TACC2: variants seen among roughly 807,000 people sequenced by gnomAD.
TACC2 encodes transforming acidic coiled-coil containing protein 2.
In TACC2, 137 loss-of-function variants were observed where a neutral mutation model predicts 227.3. The ratio of observed to expected loss-of-function variants is 0.60; its 90% CI spans 0.52 to 0.69. TACC2 has a LOEUF of 0.69. Among genes scored for constraint, TACC2 ranks in the 30% least tolerant of loss-of-function variants. TACC2 has a pLI of 0.00. For missense variants in TACC2, 3,470 were observed against 3,694.4 expected, an observed-to-expected ratio of 0.94 and a Z score of 1.57; for synonymous variants, 1,523 against 1,487.5, an observed-to-expected ratio of 1.02 and a Z score of -0.55.
intron 1 of TACC2, among the ~76,000 whole-genome samples, chr10:122,018,680 G>A (rs994156410): frequency 1.3e-5 from 2 of 152,174 alleles, no homozygotes; most frequent in African/African-American, 4.8e-5. Context: ...TTCGGGTGAG[G>A]CTTTTGGAGT....
At chr10:122,158,778 G>A (rs900438574) in intron 7 of TACC2, among the ~76,000 whole-genome samples, 3 of 152,228 alleles carry the variant, frequency 2.0e-5, no homozygotes, top group African/African-American at 7.2e-5. Context: ...GAGATTTAAT[G>A]TTGGCATGTA....
intron 19 of TACC2, among the ~76,000 whole-genome samples, chr10:122,243,030 A>T (rs1564829050): frequency 6.6e-6 from 1 of 151,800 alleles, no homozygotes; most frequent in Non-Finnish European, 1.5e-5. Flanking sequence ...TGCAACCTCC[A>T]CCCCCCAGGT....
chr10:122,047,952 T>G (rs1375248391), intron 2 of TACC2, among the ~76,000 whole-genome samples: 1 of 152,206 alleles, frequency 6.6e-6, no homozygotes, highest in Non-Finnish European at 1.5e-5. Flanking sequence ...GTTTTACCTT[T>G]GGACACAATG....
chr10:122,201,812 A>G (rs1358944436), intron 8 of TACC2, among the ~76,000 whole-genome samples: 1 of 152,120 alleles, frequency 6.6e-6, no homozygotes, highest in South Asian at 2.1e-4. Flanking sequence ...ATAATAGAAA[A>G]ATAGTAACAT....
chr10:121,989,748 AATTTT>A (rs1294287119), intron 1 of TACC2, among the ~76,000 whole-genome samples: 39 of 144,192 alleles, frequency 2.7e-4, no homozygotes, highest in East Asian at 1.6e-3. Flanking sequence ...TTTTTAAATT[AATTTT>A]ATTTTTTTTT....
chr10:122,186,430 G>T (rs2094194994), intron 7 of TACC2, among the ~76,000 whole-genome samples: 1 of 152,102 alleles, frequency 6.6e-6, no homozygotes. Context: ...AGAGTTTGAG[G>T]TTACAGTGAG....
At chr10:122,020,678 C>A (rs1239636494) in intron 1 of TACC2, among the ~76,000 whole-genome samples, 1 of 152,140 alleles carries the variant, frequency 6.6e-6, no homozygotes, top group Non-Finnish European at 1.5e-5. Flanking sequence ...TTGGCCTCCC[C>A]AAACTGAGTC....
chr10:122,185,867 T>C (rs566593021), intron 7 of TACC2, among the ~76,000 whole-genome samples: 31 of 152,348 alleles, frequency 2.0e-4, no homozygotes, highest in Middle Eastern at 3.4e-3. Context: ...TGAAAGCTCC[T>C]TCTGTGTCTT....
intron 19 of TACC2, chr10:122,247,709 G>A (rs900672289): frequency 2.6e-5 from 4 of 152,206 alleles, no homozygotes; most frequent in Non-Finnish European, 4.4e-5. Context: ...GGGTACACAC[G>A]GACACAAAGA....
chr10:122,163,447 G>A, intron 7 of TACC2: 5 of 500,478 alleles, frequency 1.0e-5, no homozygotes, highest in Non-Finnish European at 1.3e-5. Context: ...CGGCGAGGCG[G>A]GAGGGGCCGG....
chr10:122,008,684 T>C (rs1391911468), intron 1 of TACC2, among the ~76,000 whole-genome samples: 1 of 152,210 alleles, frequency 6.6e-6, no homozygotes, highest in African/African-American at 2.4e-5. Context: ...GCGATTCTCC[T>C]GCCTCAGCCT....
At chr10:122,046,710 GTCT>G in intron 2 of TACC2, among the ~76,000 whole-genome samples, 1 of 152,116 alleles carries the variant, frequency 6.6e-6, no homozygotes, top group African/African-American at 2.4e-5. Flanking sequence ...GCTATTATTT[GTCT>G]TCTTTCCAGA....
At chr10:122,123,744 G>A (rs942735272) in intron 5 of TACC2, among the ~76,000 whole-genome samples, 2 of 151,928 alleles carry the variant, frequency 1.3e-5, no homozygotes, top group South Asian at 2.1e-4. Context: ...GAACTATGCC[G>A]GTGTTCTGAA....
chr10:122,024,562 A>T (rs891535307), intron 2 of TACC2, among the ~76,000 whole-genome samples: 1 of 152,040 alleles, frequency 6.6e-6, no homozygotes, highest in Non-Finnish European at 1.5e-5. Context: ...CTCTCCTCTC[A>T]TCCCTAACCC....
chr10:122,222,119 T>C (rs1589699057), intron 11 of TACC2, among the ~76,000 whole-genome samples: 1 of 152,216 alleles, frequency 6.6e-6, no homozygotes, highest in African/African-American at 2.4e-5. Flanking sequence ...ATGTGCCACT[T>C]GGTGTGGTGA....
chr10:122,235,703 G>A (rs1479412761), intron 16 of TACC2, among the ~76,000 whole-genome samples: 1 of 152,158 alleles, frequency 6.6e-6, no homozygotes, highest in Non-Finnish European at 1.5e-5. Flanking sequence ...TGCATGTGAG[G>A]CTCCGGCCCT....
At chr10:122,035,718 A>G (rs1360344081) in intron 2 of TACC2, among the ~76,000 whole-genome samples, 4 of 152,144 alleles carry the variant, frequency 2.6e-5, no homozygotes, top group Admixed American at 1.3e-4. Context: ...GAACTTTTTC[A>G]TCTTCTCAAA....
chr10:122,187,581 C>G (rs1054533983), intron 7 of TACC2, among the ~76,000 whole-genome samples: 6 of 152,016 alleles, frequency 3.9e-5, no homozygotes, highest in African/African-American at 1.4e-4. Context: ...ATCTCTGCCT[C>G]CCAGGTTCAA....
Position 122,249,076 on chromosome 10 carries a change from G to A in TACC2, c.8580G>A (p.Ala2860=), listed in dbSNP as rs753003533. 48 of 1,613,136 alleles carry A rather than the reference G, an allele frequency of 3.0e-5. No homozygotes were observed. The highest frequency in any genetic ancestry group is 1.3e-4 in the South Asian group (12 of 90,612). The part of the protein sequence containing the change: ...RKNEEVLKRC[A]QEYLSRVKKE... ...ATGAAGAGGTGTTGAAGAGATGTGC[G>A]CAGGAGTACCTGTCCCGGGTGAAGA... is the stretch of plus-strand genomic sequence containing the variant. Residue 2860 remains alanine, a synonymous_variant, in exon 21 of 23, where the codon GCG becomes GCA. Transcript: ENST00000369005.
Sources: allele counts gnomAD v4.1 joint callset (sites outside exome capture counted in the v4.1 genomes callset), GRCh38; gene constraint gnomAD v4.1.1; transcripts MANE v1.5; gene names NCBI Gene and HGNC (gene_info 2026-07-23, HGNC 2026-07-21).